EPB41L4B: variants seen among roughly 807,000 people sequenced by gnomAD.
The protein encoded by EPB41L4B is erythrocyte membrane protein band 4.1 like 4B, also known as band 4.1-like protein 4B.
EPB41L4B carries 30 observed loss-of-function variants against 112.5 expected under a neutral mutation model. The ratio of observed to expected loss-of-function variants is 0.27; its 90% confidence interval spans 0.20 to 0.36. The LOEUF is 0.36. Among genes scored for constraint, EPB41L4B ranks in the 10% least tolerant of loss-of-function variants. EPB41L4B has a pLI of 1.00. For missense variants in EPB41L4B, 1,024 were observed against 1,133.3 expected, an observed-to-expected ratio of 0.90 and a Z score of 1.38; for synonymous variants, 408 against 439.7, an observed-to-expected ratio of 0.93 and a Z score of 0.90.
rs762832549 is a variant in EPB41L4B at position 109,185,495 on chromosome 9, C to T, written c.2412G>A (p.Thr804=). 30 of 1,613,738 alleles carry T rather than the reference C, an allele frequency of 1.9e-5. No homozygotes were observed. The highest frequency in any genetic ancestry group is 3.3e-4 in the Middle Eastern group (2 of 6,060). Residue 804 remains threonine (T), a synonymous_variant, in exon 23 of 26, where the codon ACG becomes ACA. Transcript: ENST00000374566. Reference sequence around the variant, plus strand: ...TCCCTGCCAGGGTACCTACCAGCCTCGTTTTGATTGGAGGGTACATGCAAA... The same window carrying T: ...TCCCTGCCAGGGTACCTACCAGCCTTGTTTTGATTGGAGGGTACATGCAAA... ...TGVCMYPPIK[T]RLIKTFPVDT...
At position 109,320,678 on chromosome 9, in the gene EPB41L4B, G is replaced by A. The variant is rs897621312; in HGVS notation, c.-232C>T. ...GCCGGCTGCGAGTGGCCGCAGGCGG[G>A]AGGGCGCGCTCGGGGCCGTCCCGCC... On this transcript the variant is annotated 5_prime_UTR_variant, in exon 1 of 26. Coordinates refer to ENST00000374566, the MANE Select transcript of EPB41L4B (RefSeq NM_019114.5). 3 of 145,146 alleles carry A rather than the reference G, an allele frequency of 2.1e-5. No individual in the cohort carries two copies. Among genetic ancestry groups the A allele is most frequent in the Non-Finnish European group, 3.0e-5 (2 of 65,720 alleles). The allele number at this position is 145,146 out of a possible 1,614,324, so 9.0% of individuals were successfully genotyped here.
At chr9:109,225,627 A>G (rs1468499315) in intron 15 of EPB41L4B, among the ~76,000 whole-genome samples, 1 of 152,180 alleles carries the variant, frequency 6.6e-6, no homozygotes, top group Non-Finnish European at 1.5e-5. Flanking sequence ...TGGGAGCTAC[A>G]ATTTGAGATG....
intron 2 of EPB41L4B, among the ~76,000 whole-genome samples, chr9:109,277,386 C>T (rs556332781): frequency 2.0e-5 from 3 of 150,516 alleles, no homozygotes; most frequent in African/African-American, 7.3e-5. Flanking sequence ...GGAATTTTAG[C>T]TGAACGACCT....
intron 6 of EPB41L4B, among the ~76,000 whole-genome samples, chr9:109,259,609 G>A (rs1412561059): frequency 2.0e-5 from 3 of 152,198 alleles, no homozygotes; most frequent in Non-Finnish European, 2.9e-5. Flanking sequence ...CTATGTGACT[G>A]CAGGCAAGTC....
At position 109,208,061 on chromosome 9, in the gene EPB41L4B, CAAAATACA is replaced by C; in HGVS notation, c.1753-20_1753-13del. 6.2e-7 allele frequency: 1 copy of C among 1,613,274 alleles called. No homozygotes were observed. Among genetic ancestry groups the C allele is most frequent in the Non-Finnish European group, 8.5e-7 (1 of 1,179,810 alleles). On this transcript the variant is annotated splice_polypyrimidine_tract_variant and intron_variant, in intron 17 of 25. Transcript: ENST00000374566. ...TTCTTTTCTTCAGCCTGAGACAAAC[CAAAATACA>C]AACAGCAGATTGTAAACAAAGAGAG...
chr9:109,217,264 T>C, intron 15 of EPB41L4B, 119 bp from the exon 16 acceptor site: 1 of 794,804 alleles, frequency 1.3e-6, no homozygotes, highest in Admixed American at 2.5e-5. Context: ...AAAAACTAGA[T>C]CTGTAGTTAT....
In EPB41L4B at chr9:109,265,649, C is replaced by T. The variant is rs566672642; in HGVS notation, c.534-625G>A. 3.3e-5 allele frequency among the ~76,000 whole-genome samples: 5 copies of T among 152,276 alleles called. No homozygotes were observed. The South Asian group carries it at 1.0e-3, about 32-fold the overall frequency. ...AAATGAGAAAGAAGCCAGCAAATAACACGCATGGGGTTTACTCAAGTAAAA... is the reference window on the plus strand; with the variant it reads ...AAATGAGAAAGAAGCCAGCAAATAATACGCATGGGGTTTACTCAAGTAAAA... On this transcript the variant is annotated intron_variant, in intron 4 of 25. Coordinates refer to ENST00000374566, the MANE Select transcript of EPB41L4B (RefSeq NM_019114.5).
At chr9:109,273,370 C>T (rs891851349) in intron 2 of EPB41L4B, among the ~76,000 whole-genome samples, 1 of 152,118 alleles carries the variant, frequency 6.6e-6, no homozygotes, top group Non-Finnish European at 1.5e-5. Flanking sequence ...CCTCGGCCTC[C>T]CGAGTAGCTG....
intron 4 of EPB41L4B, among the ~76,000 whole-genome samples, chr9:109,266,968 C>CAAAAAAAAAAAAAAAAAAAAAAA: frequency 1.1e-5 from 1 of 91,744 alleles, no homozygotes; most frequent in Non-Finnish European, 2.2e-5. Context: ...GATTTTGTTT[C>CAAAAAAAAAAAAAAAAAAAAAAA]AAAAAAAAAA....
At chr9:109,276,443 T>C (rs1392011309) in intron 2 of EPB41L4B, among the ~76,000 whole-genome samples, 1 of 151,304 alleles carries the variant, frequency 6.6e-6, no homozygotes, top group Non-Finnish European at 1.5e-5. Context: ...CTGTAAGGAG[T>C]CCAGCTCAGA....
At chr9:109,246,479 A>G (rs564690390) in intron 14 of EPB41L4B, among the ~76,000 whole-genome samples, 1 of 152,290 alleles carries the variant, frequency 6.6e-6, no homozygotes, top group African/African-American at 2.4e-5. Flanking sequence ...TCTTTGAGAG[A>G]TACTTTAATA....
chr9:109,235,349 C>G (rs1834101231), intron 15 of EPB41L4B, among the ~76,000 whole-genome samples: 1 of 148,960 alleles, frequency 6.7e-6, no homozygotes, highest in South Asian at 2.1e-4. Context: ...ATATACATCT[C>G]AAACCATCAA....
intron 1 of EPB41L4B, among the ~76,000 whole-genome samples, chr9:109,294,112 C>T (rs565248924): frequency 2.8e-4 from 43 of 151,514 alleles, no homozygotes; most frequent in African/African-American, 1.0e-3. Context: ...CGAGACCATC[C>T]TGGCTAACAC....
At chr9:109,288,964 A>G (rs1438877041) in intron 1 of EPB41L4B, among the ~76,000 whole-genome samples, 1 of 152,152 alleles carries the variant, frequency 6.6e-6, no homozygotes, top group South Asian at 2.1e-4. Context: ...AATTTACCCA[A>G]TCTAAGGTAT....
intron 2 of EPB41L4B, among the ~76,000 whole-genome samples, chr9:109,272,503 A>C (rs1588195414): frequency 2.0e-5 from 3 of 151,982 alleles, no homozygotes; most frequent in Admixed American, 2.0e-4. Flanking sequence ...CTGTAATCCC[A>C]GTACTTTGGG....
At chr9:109,207,544 C>A (rs1194074792) in intron 18 of EPB41L4B, among the ~76,000 whole-genome samples, 2 of 151,926 alleles carry the variant, frequency 1.3e-5, no homozygotes, top group South Asian at 2.1e-4. Flanking sequence ...TGCAGCCCAG[C>A]CTTTGCAACA....
Position 109,192,979 on chromosome 9 carries a change from G to A in EPB41L4B, c.2224-624C>T, listed in dbSNP as rs983314918. 2.0e-4 allele frequency among the ~76,000 whole-genome samples: 30 copies of A among 152,120 alleles called. 1 individual carries two copies. The highest frequency in any genetic ancestry group is 7.4e-5 in the Non-Finnish European group (5 of 68,022). ...GGGATGCCACTTGCATCCCCTCCAC[G>A]CCACCCCAACCCCCTTCTGTTTCGT... On this transcript the variant is annotated intron_variant, in intron 21 of 25. Coordinates refer to ENST00000374566, the MANE Select transcript of EPB41L4B (RefSeq NM_019114.5).
At chr9:109,251,335 T>A in intron 13 of EPB41L4B, 146 bp downstream of exon 13, 1 of 771,694 alleles carries the variant, frequency 1.3e-6, no homozygotes, top group Non-Finnish European at 2.2e-6. Flanking sequence ...GCCATGAGCA[T>A]GGAATAGCCA....
At chr9:109,247,989 C>A (rs1318198552) in intron 13 of EPB41L4B, among the ~76,000 whole-genome samples, 200 bp from the exon 14 acceptor site, 1 of 152,228 alleles carries the variant, frequency 6.6e-6, no homozygotes, top group African/African-American at 2.4e-5. Context: ...CAGCAACTTT[C>A]ACTTGTCCTT....
Sources: allele counts gnomAD v4.1 joint callset (sites outside exome capture counted in the v4.1 genomes callset), GRCh38; gene constraint gnomAD v4.1.1; transcripts MANE v1.5; gene names NCBI Gene and HGNC (gene_info 2026-07-23, HGNC 2026-07-21).